The following PDE6A variants were observed in gnomAD, a reference collection of about 807,000 sequenced individuals.
PDE6A encodes the protein rod cGMP-specific 3',5'-cyclic phosphodiesterase subunit alpha.
PDE6A carries 84 observed loss-of-function variants against 106.3 expected under a neutral mutation model. The ratio of observed to expected loss-of-function variants is 0.79; its 90% CI spans 0.66 to 0.95. The LOEUF (loss-of-function observed/expected upper bound fraction) is 0.95, where lower values mean the gene tolerates loss of function less well. PDE6A is among the 40% of genes least tolerant of loss of function. PDE6A has a pLI of 0.00. For synonymous variants in PDE6A, 394 were observed against 386.6 expected (o/e 1.02, Z -0.23); for missense variants, 1,052 against 1,084.9 (o/e 0.97, Z 0.43).
At chr5:149,922,713 GA>G (rs1753758507) in intron 4 of PDE6A, among the ~76,000 whole-genome samples, 1 of 151,956 alleles carries the variant, frequency 6.6e-6, no homozygotes, top group Non-Finnish European at 1.5e-5. Flanking sequence ...TTGTAATCAG[GA>G]AAAAATATTT....
chr5:149,914,888 T>C (rs1753503790), intron 6 of PDE6A, 55 bp downstream of exon 6: 3 of 1,162,512 alleles, frequency 2.6e-6, no homozygotes, highest in South Asian at 1.2e-5. Flanking sequence ...ATAAAGCCAA[T>C]TGAGATCTTT....
intron 4 of PDE6A, among the ~76,000 whole-genome samples, chr5:149,923,095 AC>A (rs1413277590): frequency 6.6e-6 from 1 of 152,224 alleles, no homozygotes; most frequent in Non-Finnish European, 1.5e-5. Context: ...ATGAAAGCTC[AC>A]TGGCCTTGCT....
At position 149,895,239 on chromosome 5, in the gene PDE6A, AG is replaced by A; in HGVS notation, c.1671del (p.Tyr558ThrfsTer19). On this transcript the variant is annotated frameshift_variant, in exon 13 of 22. Coordinates refer to ENST00000255266, the MANE Select transcript of PDE6A (RefSeq NM_000440.3). LOFTEE classifies it high-confidence loss of function. ...TTGAAGCCGTGCCGCCAGTTGTGGT[AG>A]GTGATCTTGCGGTAGCCCTTACTCA... is the stretch of plus-strand genomic sequence containing the variant. ...YSLSKGYRKI[T>X]YHNWRHGFNV... 1 of 1,614,160 alleles carries A rather than the reference AG, an allele frequency of 6.2e-7. No individual in the cohort carries two copies. The highest frequency in any genetic ancestry group is 8.5e-7 in the Non-Finnish European group (1 of 1,179,970).
At chr5:149,883,637 C>T (rs1761013982) in intron 16 of PDE6A, 101 bp from the exon 17 acceptor site, 3 of 818,008 alleles carry the variant, frequency 3.7e-6, no homozygotes, top group Admixed American at 2.0e-5. Flanking sequence ...ATTAAATCAA[C>T]AAAATTCACA....
Position 149,898,487 on chromosome 5 carries a change from C to T in PDE6A, c.1283G>A (p.Gly428Asp), listed in dbSNP as rs756396666. The change falls in exon 10 of 22, where the codon GGC (glycine) becomes GAC (aspartate). Residue 428 changes from glycine to aspartate, a missense_variant. This residue lies in a region of PDE6A where 913 missense variants were observed against 915.2 expected (regional missense o/e 1.00). Transcript: ENST00000255266. ...TLMESLTQFL[G>D]WSVLNPDTYE... ...GGTGTCAGGATTTAAGACAGACCAG[C>T]CCAGAAATTGAGTCAAAGACTGAAA... The T allele has an allele frequency of 1.2e-6, 2 of 1,613,524 alleles. No individual in the cohort carries two copies. The highest frequency in any genetic ancestry group is 4.5e-5 in the East Asian group (2 of 44,870).
At chr5:149,885,868 T>G (rs1752277336) in intron 14 of PDE6A, among the ~76,000 whole-genome samples, 1 of 152,240 alleles carries the variant, frequency 6.6e-6, no homozygotes, top group African/African-American at 2.4e-5. Flanking sequence ...CTGCATTCCT[T>G]GCTTGTAGGC....
intron 17 of PDE6A, among the ~76,000 whole-genome samples, chr5:149,871,072 A>G (rs763322096): frequency 4.6e-5 from 7 of 152,206 alleles, no homozygotes; most frequent in Non-Finnish European, 8.8e-5. Flanking sequence ...TGTAATGGAC[A>G]GAATGTTTGT....
chr5:149,933,816 G>C, intron 3 of PDE6A, 114 bp downstream of exon 3: 1 of 747,204 alleles, frequency 1.3e-6, no homozygotes, highest in Non-Finnish European at 2.4e-6. Context: ...CGTGATGCTG[G>C]CCAGAGACTG....
intron 5 of PDE6A, among the ~76,000 whole-genome samples, chr5:149,920,413 T>C (rs1177694559): frequency 6.6e-6 from 1 of 152,006 alleles, no homozygotes; most frequent in Non-Finnish European, 1.5e-5. Context: ...AAACCCTGTC[T>C]CTACTAAAAA....
At chr5:149,894,099 C>T (rs1752643484) in intron 13 of PDE6A, among the ~76,000 whole-genome samples, 2 of 152,078 alleles carry the variant, frequency 1.3e-5, no homozygotes, top group African/African-American at 4.8e-5. Context: ...TCAATCAGGC[C>T]TCCCAGTGTT....
intron 1 of PDE6A, among the ~76,000 whole-genome samples, chr5:149,937,211 G>A (rs76557669): frequency 6.4e-4 from 97 of 152,288 alleles, no homozygotes; most frequent in African/African-American, 2.3e-3. Context: ...AGGCCAGCAG[G>A]TAGGAATGAG....
At chr5:149,912,123 T>C (rs1009622920) in intron 6 of PDE6A, among the ~76,000 whole-genome samples, 2 of 152,168 alleles carry the variant, frequency 1.3e-5, no homozygotes, top group African/African-American at 4.8e-5. Flanking sequence ...CTCTCTTTTT[T>C]AGTGAAAGTG....
At chr5:149,891,823 A>T (rs1408346391) in intron 13 of PDE6A, among the ~76,000 whole-genome samples, 1 of 152,076 alleles carries the variant, frequency 6.6e-6, no homozygotes, top group African/African-American at 2.4e-5. Flanking sequence ...GGAAAAAAAA[A>T]GTTTGGTTTG....
chr5:149,880,367 C>T (rs1760878536), intron 17 of PDE6A, among the ~76,000 whole-genome samples: 1 of 152,118 alleles, frequency 6.6e-6, no homozygotes. Context: ...TCTGCTGAGC[C>T]ATTTTGAAAT....
chr5:149,938,809 G>C (rs997027619), intron 1 of PDE6A, among the ~76,000 whole-genome samples: 5 of 151,992 alleles, frequency 3.3e-5, no homozygotes, highest in Admixed American at 2.0e-4. Context: ...TCTTCCCAAG[G>C]CAATTCCCAA....
At chr5:149,910,430 A>G (rs1027321204) in intron 6 of PDE6A, among the ~76,000 whole-genome samples, 1 of 152,174 alleles carries the variant, frequency 6.6e-6, no homozygotes, top group Non-Finnish European at 1.5e-5. Context: ...GTAATCTATA[A>G]TGCTTATCAC....
intron 17 of PDE6A, among the ~76,000 whole-genome samples, chr5:149,873,434 C>T (rs1188934976): frequency 2.6e-5 from 4 of 151,040 alleles, no homozygotes; most frequent in Non-Finnish European, 2.9e-5. Context: ...GGAGTTCAAA[C>T]GATTCTCCTG....
chr5:149,876,168 T>C (rs1434698596), intron 17 of PDE6A, among the ~76,000 whole-genome samples: 3 of 152,160 alleles, frequency 2.0e-5, no homozygotes, highest in African/African-American at 4.8e-5. Context: ...ATTACACAAT[T>C]AAATAACAAA....
At position 149,862,010 on chromosome 5, in the gene PDE6A, C is replaced by T. The variant is rs553919535; in HGVS notation, c.2507-1039G>A. Reference sequence around the variant, plus strand: ...GCATAAACTACAAAACTCTAAGTGGCCCCTACATTTGCAGCTGCCCATTTA... The same window carrying T: ...GCATAAACTACAAAACTCTAAGTGGTCCCTACATTTGCAGCTGCCCATTTA... On this transcript the variant is annotated intron_variant, in intron 21 of 21. Coordinates refer to ENST00000255266, the MANE Select transcript of PDE6A (RefSeq NM_000440.3). 1.2e-4 allele frequency among the ~76,000 whole-genome samples: 19 copies of T among 152,294 alleles called. No individual in the cohort carries two copies. In the South Asian group the frequency reaches 3.9e-3, roughly 32 times the overall value.
Sources: allele counts gnomAD v4.1 joint callset (sites outside exome capture counted in the v4.1 genomes callset), GRCh38; gene constraint gnomAD v4.1.1; regional missense constraint gnomAD v4.1.1; transcripts MANE v1.5; gene names NCBI Gene and HGNC (gene_info 2026-07-23, HGNC 2026-07-21).